The following MARVELD3 variants were observed in gnomAD, a reference collection of about 807,000 sequenced individuals.
MARVELD3 encodes MARVEL domain containing 3, also known as MARVEL domain-containing protein 3.
Under a neutral mutation model 33.5 loss-of-function variants are expected in MARVELD3, and 28 were observed. That is an observed-to-expected ratio of 0.84 (90% CI 0.62 to 1.15). The LOEUF (loss-of-function observed/expected upper bound fraction) is 1.15. Among genes scored for constraint, MARVELD3 ranks in the 50% most tolerant of loss-of-function variants. MARVELD3 has a pLI of 0.00. For missense variants in MARVELD3, 582 were observed against 547.6 expected (o/e 1.06, Z -0.63); for synonymous variants, 241 against 230.4 (o/e 1.05, Z -0.42).
In MARVELD3 at chr16:71,626,976, C is replaced by G. The variant is rs112530489; in HGVS notation, c.467+280C>G. Among the ~76,000 whole-genome samples the G allele has an allele frequency of 6.6e-6, 1 of 152,184 alleles. No individual in the cohort carries two copies. The highest frequency in any genetic ancestry group is 2.4e-5 in the African/African-American group (1 of 41,448). ...AGAAGAGAAAGAGAGGCCCCGGGACCCGAGAGGGAGGGGTGGGAGGAGACC... is the reference window on the plus strand; with the variant it reads ...AGAAGAGAAAGAGAGGCCCCGGGACGCGAGAGGGAGGGGTGGGAGGAGACC... On this transcript the variant is annotated intron_variant, in intron 1 of 2. Transcript: ENST00000268485. The surrounding 1 kb of genome is among the most constrained non-coding windows in gnomAD (Gnocchi z 5.3).
intron 1 of MARVELD3, among the ~76,000 whole-genome samples, chr16:71,627,887 G>A (rs1282195762): frequency 6.6e-6 from 1 of 152,198 alleles, no homozygotes; most frequent in Non-Finnish European, 1.5e-5. Context: ...ACGGTGAACT[G>A]TGAGCAGATG....
downstream of MARVELD3, among the ~76,000 whole-genome samples, chr16:71,639,669 A>G (rs1022476234): frequency 3.4e-5 from 5 of 148,332 alleles, no homozygotes; most frequent in African/African-American, 5.0e-5. Flanking sequence ...CTGGTCTCCA[A>G]CTCCTGACCT....
chr16:71,635,403 T>C lies in MARVELD3; in HGVS notation c.*600T>C. 1 of 983,452 alleles carries C rather than the reference T, an allele frequency of 1.0e-6. No individual in the cohort carries two copies. The highest frequency in any genetic ancestry group is 1.2e-6 in the Non-Finnish European group (1 of 829,752). 60.9% of individuals were successfully genotyped at this position (983,452 alleles called of 1,614,324 possible). On this transcript the variant is annotated 3_prime_UTR_variant, in exon 3 of 3. Coordinates refer to ENST00000268485, the MANE Select transcript of MARVELD3 (RefSeq NM_052858.6). ...AGCATGTACTACAACAGAGTGCACC[T>C]CTTCATTCAGTAAAGGGAGGTCACC...
rs1387391388 is a variant in MARVELD3, at chr16:71,626,916, A to G, written c.467+220A>G. 3 of 420,896 alleles carry G rather than the reference A, an allele frequency of 7.1e-6. No individual in the cohort carries two copies. The highest frequency in any genetic ancestry group is 8.2e-5 in the East Asian group (2 of 24,416). The allele number at this position is 420,896 out of a possible 1,614,324, so 26.1% of individuals were successfully genotyped here. ...GAACCCAACTAACAAAGCAAAAACC[A>G]CCCCTGTGAGCAGTGGCTGGGCTGG... On this transcript the variant is annotated intron_variant, in intron 1 of 2. Coordinates refer to ENST00000268485, the MANE Select transcript of MARVELD3 (RefSeq NM_052858.6). The surrounding 1 kb of genome is among the most constrained non-coding windows in gnomAD (Gnocchi z 5.3).
At position 71,635,913 on chromosome 16, in the gene MARVELD3, A is replaced by C; in HGVS notation, c.*1110A>C. 1.0e-6 allele frequency: 1 copy of C among 985,402 alleles called. No individual in the cohort carries two copies. The highest frequency in any genetic ancestry group is 6.1e-5 in the Admixed American group (1 of 16,276). 61.0% of individuals were successfully genotyped at this position (985,402 alleles called of 1,614,324 possible). On this transcript the variant is annotated 3_prime_UTR_variant, in exon 3 of 3. Coordinates refer to ENST00000268485, the MANE Select transcript of MARVELD3 (RefSeq NM_052858.6). ...TTACAGTGGCCCTGAAAGCTCAATA[A>C]GTGTTTTGTACCTCTTGTAAATGTG... is the stretch of plus-strand genomic sequence containing the variant.
chr16:71,626,330 C>A lies in MARVELD3; in HGVS notation c.101C>A (p.Pro34Gln). ...GACCAAGGCCGCACCCACGATCGAC[C>A]GCGGGACCGACCCGGGGACCCGCGC... ...HPDQGRTHDR[P>Q]RDRPGDPRRK... is the part of the protein sequence containing the mutation. Residue 34 changes from proline (P) to glutamine (Q), a missense_variant, in exon 1 of 3, where the codon CCG (proline) becomes CAG (glutamine). Coordinates refer to ENST00000268485, the MANE Select transcript of MARVELD3 (RefSeq NM_052858.6). The surrounding 1 kb of genome is among the most constrained non-coding windows in gnomAD (Gnocchi z 5.3). 6.5e-7 allele frequency: 1 copy of A among 1,548,266 alleles called. No homozygotes were observed.
rs2044478921 is a variant in MARVELD3, at chr16:71,626,915, CA to C, written c.467+220del. ...TGAACCCAACTAACAAAGCAAAAAC[CA>C]CCCCTGTGAGCAGTGGCTGGGCTGG... On this transcript the variant is annotated intron_variant, in intron 1 of 2. Coordinates refer to ENST00000268485, the MANE Select transcript of MARVELD3 (RefSeq NM_052858.6). The surrounding 1 kb of genome is among the most constrained non-coding windows in gnomAD (Gnocchi z 5.3). 2 of 472,100 alleles carry C rather than the reference CA, an allele frequency of 4.2e-6. No homozygotes were observed. The highest frequency in any genetic ancestry group is 4.1e-5 in the African/African-American group (2 of 48,600). The allele number at this position is 472,100 out of a possible 1,614,324, so 29.2% of individuals were successfully genotyped here. A position where few individuals can be genotyped will look rare whatever the true frequency, so the allele number is the denominator to read the frequency against.
chr16:71,635,390 AAC>A lies in MARVELD3; in HGVS notation c.*589_*590del. ...GCCACAAGGAAAAAGCATGTACTAC[AAC>A]AGAGTGCACCTCTTCATTCAGTAAA... On this transcript the variant is annotated 3_prime_UTR_variant, in exon 3 of 3. Coordinates refer to ENST00000268485, the MANE Select transcript of MARVELD3 (RefSeq NM_052858.6). 1 of 985,336 alleles carries A rather than the reference AAC, an allele frequency of 1.0e-6. No individual in the cohort carries two copies. The highest frequency in any genetic ancestry group is 1.2e-6 in the Non-Finnish European group (1 of 830,098). The allele number at this position is 985,336 out of a possible 1,614,324, so 61.0% of individuals were successfully genotyped here.
downstream of MARVELD3, chr16:71,641,071 A>G (rs757452634): frequency 6.4e-7 from 1 of 1,559,238 alleles, no homozygotes; most frequent in East Asian, 2.3e-5. Flanking sequence ...TTTCTCTCAA[A>G]AAGACAGGTC....
At chr16:71,629,589 C>T (rs560869519) in intron 2 of MARVELD3, 95 bp downstream of exon 2, 5 of 1,196,894 alleles carry the variant, frequency 4.2e-6, no homozygotes, top group Middle Eastern at 4.0e-4. Flanking sequence ...AAGCAGATTC[C>T]CTTGTGGGTT....
At position 71,635,449 on chromosome 16, in the gene MARVELD3, A is replaced by C. The variant is rs2044574737; in HGVS notation, c.*646A>C. ...TCACCAAGAGAATTTGATGAACCTT[A>C]CCTTCAAAGTTCCTGGGCACAGTGG... On this transcript the variant is annotated 3_prime_UTR_variant, in exon 3 of 3. Coordinates refer to ENST00000268485, the MANE Select transcript of MARVELD3 (RefSeq NM_052858.6). 1 of 984,828 alleles carries C rather than the reference A, an allele frequency of 1.0e-6. No individual in the cohort carries two copies. Among genetic ancestry groups the C allele is most frequent in the Non-Finnish European group, 1.2e-6 (1 of 829,908 alleles). 61.0% of individuals were successfully genotyped at this position (984,828 alleles called of 1,614,324 possible).
chr16:71,626,425 G>A lies in MARVELD3; in HGVS notation c.196G>A (p.Asp66Asn), dbSNP rs2044470008. The change falls in exon 1 of 3, where the codon GAC becomes AAC. Residue 66 changes from aspartate to asparagine, a missense_variant. By Grantham distance (23) the Asp-to-Asn change is conservative (BLOSUM62 1). Coordinates refer to ENST00000268485, the MANE Select transcript of MARVELD3 (RefSeq NM_052858.6). The surrounding 1 kb of genome is among the most constrained non-coding windows in gnomAD (Gnocchi z 5.3). ...GGACCCGGAGAGAGACCAGGAGAGG[G>A]ACGGGAACCGCGACCGGAACCGGGA... is the stretch of plus-strand genomic sequence containing the variant. ...DRDPERDQER[D>N]GNRDRNRDRE... The A allele has an allele frequency of 1.9e-6, 3 of 1,548,130 alleles. No individual in the cohort carries two copies. In the South Asian group the frequency reaches 3.6e-5, roughly 18 times the overall value.
At position 71,626,443 on chromosome 16, in the gene MARVELD3, A is replaced by G; in HGVS notation, c.214A>G (p.Asn72Asp). The G allele has an allele frequency of 6.5e-7, 1 of 1,548,684 alleles. No homozygotes were observed. The highest frequency in any genetic ancestry group is 1.9e-4 in the Middle Eastern group (1 of 5,210). Reference protein sequence around the residue: ...DQERDGNRDRNRDRERERERE... With the variant: ...DQERDGNRDRDRDRERERERE... ...GGAGAGGGACGGGAACCGCGACCGG[A>G]ACCGGGACCGGGAGAGGGAGAGAGA... is the stretch of plus-strand genomic sequence containing the variant. The change falls in exon 1 of 3, where the codon AAC becomes GAC. Residue 72 changes from asparagine to aspartate, a missense_variant. Coordinates refer to ENST00000268485, the MANE Select transcript of MARVELD3 (RefSeq NM_052858.6). This position sits in a 1 kb window ranked among gnomAD's most constrained non-coding sequence, Gnocchi z 5.3.
chr16:71,637,001 T>C (rs1339502000), downstream of MARVELD3, among the ~76,000 whole-genome samples: 2 of 152,314 alleles, frequency 1.3e-5, no homozygotes, highest in East Asian at 3.9e-4. Flanking sequence ...ACCATAGAGA[T>C]AAACTGCTAG....
chr16:71,632,360 T>C lies in MARVELD3; in HGVS notation c.596-1833T>C, dbSNP rs16973388. ...GCATATAAGTTATATTTCACTAACG[T>C]TGATTTTAAGGAAAGCAGCCAGTTT... On this transcript the variant is annotated intron_variant, in intron 2 of 2. Transcript: ENST00000268485. Among the ~76,000 whole-genome samples, 339 of 152,280 alleles carry C rather than the reference T, an allele frequency of 2.2e-3. 2 individuals are homozygous for C. Among genetic ancestry groups the C allele is most frequent in the African/African-American group, 7.7e-3 (321 of 41,554 alleles).
In MARVELD3 at chr16:71,635,868, G is replaced by A. The variant is rs370562143; in HGVS notation, c.*1065G>A. On this transcript the variant is annotated 3_prime_UTR_variant, in exon 3 of 3. Transcript: ENST00000268485. ...TCAGATTAATTCTCTGGGTTGCAAA[G>A]AGGCTATTCTGCAAGCCCCTTACAG... The A allele has an allele frequency of 6.2e-5, 61 of 985,386 alleles. No homozygotes were observed. In the East Asian group the frequency reaches 4.0e-3, roughly 64 times the overall value. 61.0% of individuals were successfully genotyped at this position (985,386 alleles called of 1,614,324 possible).
Position 71,634,915 on chromosome 16 carries a change from G to C in MARVELD3, c.*112G>C, listed in dbSNP as rs1597077956. On this transcript the variant is annotated 3_prime_UTR_variant, in exon 3 of 3. Transcript: ENST00000268485. ...GTTTCCAGTGCTGGAAAAGCAGCGA[G>C]CCAGCGTTGGTGTGGTGGGCGGAGC... The C allele has an allele frequency of 6.8e-7, 1 of 1,481,174 alleles. No homozygotes were observed. The highest frequency in any genetic ancestry group is 2.4e-5 in the East Asian group (1 of 42,000). The allele number at this position is 1,481,174 out of a possible 1,614,324, so 91.8% of individuals were successfully genotyped here. A position where few individuals can be genotyped will look rare whatever the true frequency, so the allele number is the denominator to read the frequency against.
At chr16:71,640,634 C>T (rs763077324), downstream of MARVELD3, 1 of 1,614,116 alleles carries the variant, frequency 6.2e-7, no homozygotes, top group Non-Finnish European at 8.5e-7. Context: ...TGGGGGTCCT[C>T]ACCATGGGTG....
At chr16:71,629,556 C>G (rs1408955890) in intron 2 of MARVELD3, 62 bp downstream of exon 2, 1 of 1,488,832 alleles carries the variant, frequency 6.7e-7, no homozygotes, top group East Asian at 2.7e-5. Context: ...AAGGGATGGT[C>G]TGAGCTGGTG....
Sources: allele counts gnomAD v4.1 joint callset (sites outside exome capture counted in the v4.1 genomes callset), GRCh38; gene constraint gnomAD v4.1.1; non-coding constraint Gnocchi (gnomAD v3.1); transcripts MANE v1.5; gene names NCBI Gene and HGNC (gene_info 2026-07-23, HGNC 2026-07-21).